The following TCF4 variants were observed in gnomAD, a reference collection of about 807,000 sequenced individuals.
TCF4 encodes transcription factor 4.
TCF4 carries 3 observed loss-of-function variants against 82.1 expected under a neutral mutation model. That is an observed-to-expected ratio of 0.04 (90% CI 0.02 to 0.09). TCF4 has a LOEUF of 0.09. Ranked by LOEUF, TCF4 falls within the 10% of genes least tolerant of loss-of-function variation. The probability of loss-of-function intolerance (pLI) is 1.00; values close to 1 mark genes in which losing one functional copy is unlikely to be tolerated. For missense variants in TCF4, 518 were observed against 852.7 expected (o/e 0.61, Z 4.89); for synonymous variants, 276 against 309.6 (o/e 0.89, Z 1.14).
chr18:55,330,427 C>T (rs2077342995), intron 8 of TCF4, among the ~76,000 whole-genome samples: 2 of 151,950 alleles, frequency 1.3e-5, no homozygotes, highest in South Asian at 4.2e-4. Flanking sequence ...ATCCGCCTGC[C>T]TCGGCCTCCC....
intron 8 of TCF4, among the ~76,000 whole-genome samples, chr18:55,326,687 AG>A (rs1668544787): frequency 6.6e-6 from 1 of 152,154 alleles, no homozygotes; most frequent in South Asian, 2.1e-4. Context: ...AAGGAATAGG[AG>A]GTTACCCTTG....
chr18:55,574,716 T>C (rs1230666087), intron 3 of TCF4, among the ~76,000 whole-genome samples: 2 of 152,132 alleles, frequency 1.3e-5, no homozygotes, highest in African/African-American at 4.8e-5. Flanking sequence ...AATGTCCCAG[T>C]GCTGAAGTTG....
intron 6 of TCF4, among the ~76,000 whole-genome samples, chr18:55,372,134 T>C (rs2089409876): frequency 6.6e-6 from 1 of 152,086 alleles, no homozygotes; most frequent in Non-Finnish European, 1.5e-5. Context: ...TCATATGTCA[T>C]AAATGATACT....
At chr18:55,422,945 C>A (rs531862962) in intron 5 of TCF4, among the ~76,000 whole-genome samples, 2 of 151,860 alleles carry the variant, frequency 1.3e-5, no homozygotes, top group South Asian at 2.1e-4. Flanking sequence ...TGAAAAAAAA[C>A]AAATTTCACT....
At chr18:55,322,446 A>AC (rs1194243458) in intron 8 of TCF4, 48 of 1,007,958 alleles carry the variant, frequency 4.8e-5, no homozygotes, top group Admixed American at 1.2e-4. Flanking sequence ...AAAAAAAAAA[A>AC]AAAACACCAC....
chr18:55,481,914 T>C (rs1383306581), intron 3 of TCF4, among the ~76,000 whole-genome samples: 3 of 152,254 alleles, frequency 2.0e-5, no homozygotes, highest in African/African-American at 7.2e-5. Context: ...CATCTTGGCC[T>C]GAGCTACAGT....
chr18:55,322,425 GAAAAAAAAAAAAA>G (rs967879627), intron 8 of TCF4: 53 of 776,972 alleles, frequency 6.8e-5, no homozygotes, highest in Non-Finnish European at 7.3e-5. Context: ...GGGGAGGGAA[GAAAAAAAAAAAAA>G]AAAAAAAAAA....
At chr18:55,521,432 CA>C (rs894035509) in intron 3 of TCF4, among the ~76,000 whole-genome samples, 1 of 152,190 alleles carries the variant, frequency 6.6e-6, no homozygotes, top group African/African-American at 2.4e-5. Flanking sequence ...TACTGCTTTA[CA>C]ACACCAAAAG....
intron 5 of TCF4, among the ~76,000 whole-genome samples, chr18:55,445,950 A>C (rs971962010): frequency 6.6e-6 from 1 of 152,098 alleles, no homozygotes; most frequent in Non-Finnish European, 1.5e-5. Context: ...AGACCCAACC[A>C]TGGCTCTAAG....
At position 55,229,082 on chromosome 18, in the gene TCF4, G is replaced by A. The variant is rs1486935210; in HGVS notation, c.1650-6C>T. The A allele has an allele frequency of 2.5e-6, 4 of 1,613,592 alleles. No individual in the cohort carries two copies. Among genetic ancestry groups the A allele is most frequent in the Non-Finnish European group, 3.4e-6 (4 of 1,179,838 alleles). On this transcript the variant is annotated splice_polypyrimidine_tract_variant and splice_region_variant and intron_variant, in intron 17 of 19. Coordinates refer to ENST00000354452, the MANE Select transcript of TCF4 (RefSeq NM_001083962.2). ...GGTCCTCATCGTCATTATTGCTGTG[G>A]GACAAAAGGGATGCAACATTTTCTA...
At chr18:55,575,408 ATAT>A (rs1209447590) in intron 3 of TCF4, among the ~76,000 whole-genome samples, 1 of 152,198 alleles carries the variant, frequency 6.6e-6, no homozygotes, top group East Asian at 1.9e-4. Flanking sequence ...CAACCTGGAA[ATAT>A]TATTACCACC....
At chr18:55,599,829 G>T (rs1264096509) in intron 2 of TCF4, among the ~76,000 whole-genome samples, 2 of 152,194 alleles carry the variant, frequency 1.3e-5, no homozygotes, top group African/African-American at 4.8e-5. Context: ...CCCAGATCAA[G>T]ATATGAAACA....
intron 17 of TCF4, chr18:55,229,618 A>T (rs2047304232): frequency 6.0e-6 from 1 of 165,376 alleles, no homozygotes; most frequent in African/African-American, 2.4e-5. Context: ...AAAGGCCTAT[A>T]TGTAAGACAC....
At chr18:55,473,904 G>A (rs1341046498) in intron 3 of TCF4, among the ~76,000 whole-genome samples, 1 of 152,134 alleles carries the variant, frequency 6.6e-6, no homozygotes. Context: ...GAGGCTCAGA[G>A]CTTTAATACT....
At chr18:55,237,518 G>A (rs1387033092) in intron 15 of TCF4, among the ~76,000 whole-genome samples, 2 of 140,496 alleles carry the variant, frequency 1.4e-5, no homozygotes, top group Admixed American at 7.4e-5. Flanking sequence ...CACCCAGGCT[G>A]GAGTGCAGGG....
chr18:55,577,838 T>C (rs1171261034), intron 3 of TCF4, among the ~76,000 whole-genome samples: 1 of 151,900 alleles, frequency 6.6e-6, no homozygotes, highest in Non-Finnish European at 1.5e-5. Context: ...AAGTGGTCTT[T>C]TCCCAAGGAG....
At chr18:55,434,839 T>C (rs1163043469) in intron 5 of TCF4, among the ~76,000 whole-genome samples, 2 of 150,866 alleles carry the variant, frequency 1.3e-5, no homozygotes, top group Non-Finnish European at 3.0e-5. Flanking sequence ...ATATGAGGTA[T>C]ATGAGATATT....
intron 3 of TCF4, among the ~76,000 whole-genome samples, chr18:55,466,874 G>A (rs986935098): frequency 2.0e-5 from 3 of 152,206 alleles, no homozygotes; most frequent in Admixed American, 6.5e-5. Context: ...TTTCAAAGCA[G>A]GTTAAATACT....
rs2046115450 is a variant in TCF4 at position 55,223,312 on chromosome 18, A to G, written c.*4723T>C. 1 of 152,030 alleles carries G rather than the reference A, an allele frequency of 6.6e-6. No homozygotes were observed. Among genetic ancestry groups the G allele is most frequent in the South Asian group, 2.1e-4 (1 of 4,818 alleles). The allele number at this position is 152,030 out of a possible 1,614,324, so 9.4% of individuals were successfully genotyped here. On this transcript the variant is annotated 3_prime_UTR_variant, in exon 20 of 20. Coordinates refer to ENST00000354452, the MANE Select transcript of TCF4 (RefSeq NM_001083962.2). Reference sequence around the variant, plus strand: ...CTTTGCTTTTCAATTTGTTTTTGTGATTTTTTTTGTATGTTTTGTTTGTTA... The same window carrying G: ...CTTTGCTTTTCAATTTGTTTTTGTGGTTTTTTTTGTATGTTTTGTTTGTTA...
Sources: allele counts gnomAD v4.1 joint callset (sites outside exome capture counted in the v4.1 genomes callset), GRCh38; gene constraint gnomAD v4.1.1; transcripts MANE v1.5; gene names NCBI Gene and HGNC (gene_info 2026-07-23, HGNC 2026-07-21).